GET1: variants seen among roughly 807,000 people sequenced by gnomAD.
GET1 encodes guided entry of tail-anchored proteins factor 1.
GET1 carries 20 observed loss-of-function variants against 22.6 expected under a neutral mutation model. The observed-to-expected ratio is 0.89, with a 90% CI of 0.62 to 1.29. GET1 has a LOEUF of 1.29. Ranked by LOEUF, GET1 falls within the 50% of genes most tolerant of loss-of-function variation. The pLI, the probability that GET1 is intolerant of heterozygous loss-of-function variation, is 0.00. For missense variants in GET1, 209 were observed against 219.9 expected, an observed-to-expected ratio of 0.95 and a Z score of 0.31; for synonymous variants, 92 against 83.8, an observed-to-expected ratio of 1.10 and a Z score of -0.53.
intron 1 of GET1, among the ~76,000 whole-genome samples, chr21:39,383,244 G>A (rs936519809): frequency 1.7e-4 from 25 of 149,804 alleles, no homozygotes; most frequent in Non-Finnish European, 2.8e-4. Flanking sequence ...TTGTGCCACC[G>A]CGCCCAGCCT....
intron 1 of GET1, among the ~76,000 whole-genome samples, chr21:39,389,602 A>C (rs1469073344): frequency 1.3e-5 from 2 of 151,980 alleles, no homozygotes; most frequent in African/African-American, 4.8e-5. Flanking sequence ...CTGGGCTCCG[A>C]CCCTGGCAGG....
chr21:39,419,774 T>C (rs1288205167), intron 1 of GET1, among the ~76,000 whole-genome samples: 1 of 151,926 alleles, frequency 6.6e-6, no homozygotes, highest in Non-Finnish European at 1.5e-5. Context: ...GAATCAAGCT[T>C]AAGATTTATT....
chr21:39,424,996 T>C (rs545918133), intron 1 of GET1, among the ~76,000 whole-genome samples: 1 of 152,360 alleles, frequency 6.6e-6, no homozygotes, highest in African/African-American at 2.4e-5. Context: ...CCATTGTCTA[T>C]GTGCCTATGC....
At chr21:39,396,761 C>A in intron 4 of GET1, 105 bp from the exon 5 acceptor site, 2 of 1,065,010 alleles carry the variant, frequency 1.9e-6, no homozygotes, top group South Asian at 1.3e-5. Context: ...CAGCACTGCT[C>A]AAAAAGAATG....
At chr21:39,394,698 T>G (rs1390674201) in intron 4 of GET1, among the ~76,000 whole-genome samples, 5 of 152,110 alleles carry the variant, frequency 3.3e-5, no homozygotes, top group Non-Finnish European at 7.4e-5. Context: ...TTAGGCCTCT[T>G]TTATAAGGGC....
chr21:39,391,292 C>T (rs1034292698), intron 2 of GET1: 3 of 221,700 alleles, frequency 1.4e-5, no homozygotes, highest in Admixed American at 5.3e-5. Flanking sequence ...TGATGAAGAG[C>T]GCTTTCTCAG....
rs112939793 is a variant in GET1, at chr21:39,420,282, G to C, written c.*24-7950G>C. On this transcript the variant is annotated intron_variant, in intron 1 of 1. Transcript: ENST00000478273. ...CACACCTGTAATCCCAGCACTATGGGAGACCAAGGCAGGTGGATCACTTGA... is the reference window on the plus strand; with the variant it reads ...CACACCTGTAATCCCAGCACTATGGCAGACCAAGGCAGGTGGATCACTTGA... Among the ~76,000 whole-genome samples, 673 of 152,222 alleles carry C rather than the reference G, an allele frequency of 4.4e-3. 6 individuals are homozygous for C. The highest frequency in any genetic ancestry group is 0.015 in the African/African-American group (627 of 41,544).
At chr21:39,393,380 AT>A in intron 4 of GET1, 100 bp downstream of exon 4, 1 of 944,966 alleles carries the variant, frequency 1.1e-6, no homozygotes, top group Non-Finnish European at 1.6e-6. Context: ...CTCACCGTCC[AT>A]TTAGTGAGCG....
intron 4 of GET1, among the ~76,000 whole-genome samples, chr21:39,395,230 G>T (rs113178939): frequency 6.6e-6 from 1 of 152,138 alleles, no homozygotes. Flanking sequence ...CTCATTTGCA[G>T]ATTTTCCTGA....
chr21:39,410,057 A>G (rs201928535), downstream of GET1: 9 of 1,611,076 alleles, frequency 5.6e-6, no homozygotes, highest in Admixed American at 1.7e-5. Context: ...ATTTCAGTTG[A>G]TTTTTCTTTA....
downstream of GET1, among the ~76,000 whole-genome samples, chr21:39,411,336 T>C (rs997215564): frequency 1.3e-5 from 2 of 152,140 alleles, no homozygotes; most frequent in African/African-American, 4.8e-5. Flanking sequence ...CTGAGCTGCG[T>C]GCACACTTAA....
At chr21:39,420,963 G>A in intron 1 of GET1, 1 of 701,266 alleles carries the variant, frequency 1.4e-6, no homozygotes, top group Non-Finnish European at 2.3e-6. Context: ...TTTAGTGAAT[G>A]ACTTATACAG....
At chr21:39,383,438 T>C (rs1601595108) in intron 1 of GET1, among the ~76,000 whole-genome samples, 1 of 150,842 alleles carries the variant, frequency 6.6e-6, no homozygotes, top group East Asian at 2.0e-4. Flanking sequence ...CCCGCCACTA[T>C]GCCCGGCTAA....
chr21:39,422,108 A>G (rs892176258), intron 1 of GET1: 13 of 152,240 alleles, frequency 8.5e-5, no homozygotes, highest in African/African-American at 2.9e-4. Context: ...AAAAAAATTT[A>G]TTGGAAAATA....
chr21:39,420,386 G>A (rs573173545), intron 1 of GET1, among the ~76,000 whole-genome samples: 1 of 152,064 alleles, frequency 6.6e-6, no homozygotes, highest in South Asian at 2.1e-4. Flanking sequence ...AGCCAAGCGT[G>A]GTGTTGCATG....
At chr21:39,385,376 C>T (rs1035729484) in intron 1 of GET1, among the ~76,000 whole-genome samples, 1 of 152,162 alleles carries the variant, frequency 6.6e-6, no homozygotes, top group African/African-American at 2.4e-5. Flanking sequence ...TTAAGCCTAG[C>T]AAGGTCCTGG....
intron 1 of GET1, chr21:39,380,691 G>A: frequency 1.4e-6 from 2 of 1,385,222 alleles, no homozygotes; most frequent in Non-Finnish European, 1.9e-6. Flanking sequence ...GTTCTAGGGG[G>A]TTGGGAGAAA....
At chr21:39,414,719 T>C (rs899569535) in intron 1 of GET1, among the ~76,000 whole-genome samples, 1 of 102,484 alleles carries the variant, frequency 9.8e-6, no homozygotes, top group Non-Finnish European at 2.0e-5. Flanking sequence ...TCTCCCTCTC[T>C]CTCTCTCTCT....
At chr21:39,391,931 TC>T in intron 3 of GET1, 95 bp downstream of exon 3, 1 of 1,218,744 alleles carries the variant, frequency 8.2e-7, no homozygotes, top group Non-Finnish European at 1.2e-6. Context: ...TTCGGGCTGT[TC>T]CACCTTCAGC....
Sources: allele counts gnomAD v4.1 joint callset (sites outside exome capture counted in the v4.1 genomes callset), GRCh38; gene constraint gnomAD v4.1.1; transcripts MANE v1.5; gene names NCBI Gene and HGNC (gene_info 2026-07-23, HGNC 2026-07-21).